The following ENAH variants were observed in gnomAD, a reference collection of about 807,000 sequenced individuals.
The protein encoded by ENAH is ENAH actin regulator, also known as protein enabled homolog.
A neutral mutation model predicts 78.7 loss-of-function variants in ENAH; 23 were observed. The ratio of observed to expected loss-of-function variants is 0.29; its 90% CI spans 0.21 to 0.41. ENAH has a LOEUF of 0.41. Ranked by LOEUF, ENAH falls within the 10% of genes least tolerant of loss-of-function variation. The pLI, the probability that ENAH is intolerant of heterozygous loss-of-function variation, is 1.00. For missense variants in ENAH, 544 were observed against 691.0 expected (o/e 0.79, Z 2.39); for synonymous variants, 226 against 241.0 (o/e 0.94, Z 0.58).
chr1:225,641,013 G>A (rs371618063), intron 1 of ENAH, among the ~76,000 whole-genome samples: 9 of 149,438 alleles, frequency 6.0e-5, no homozygotes, highest in African/African-American at 1.2e-4. Flanking sequence ...ACAGGCGCCC[G>A]CCACCACGCC....
chr1:225,535,811 C>T (rs1245631072), intron 3 of ENAH, among the ~76,000 whole-genome samples: 1 of 152,064 alleles, frequency 6.6e-6, no homozygotes, highest in Non-Finnish European at 1.5e-5. Flanking sequence ...AAATGATGCA[C>T]TTATAACTTA....
At chr1:225,576,408 T>C (rs1185037215) in intron 1 of ENAH, among the ~76,000 whole-genome samples, 2 of 152,172 alleles carry the variant, frequency 1.3e-5, no homozygotes, top group African/African-American at 2.4e-5. Flanking sequence ...AGAAATACTA[T>C]AAAAATTAAG....
chr1:225,647,931 A>G (rs2148499780), intron 1 of ENAH, among the ~76,000 whole-genome samples: 1 of 152,300 alleles, frequency 6.6e-6, no homozygotes, highest in South Asian at 2.1e-4. Flanking sequence ...AAAGAACCAC[A>G]TAATTATAAG....
At chr1:225,623,418 AC>A (rs1657355869) in intron 1 of ENAH, among the ~76,000 whole-genome samples, 1 of 152,120 alleles carries the variant, frequency 6.6e-6, no homozygotes, top group Admixed American at 6.6e-5. Flanking sequence ...TCATAATTTC[AC>A]TTGTATATTC....
At chr1:225,537,460 G>C (rs888471708) in intron 3 of ENAH, among the ~76,000 whole-genome samples, 1 of 152,130 alleles carries the variant, frequency 6.6e-6, no homozygotes, top group Non-Finnish European at 1.5e-5. Context: ...ACTGCAGTTT[G>C]CATTTCCTGA....
intron 2 of ENAH, among the ~76,000 whole-genome samples, chr1:225,558,257 G>A (rs1428560666): frequency 6.6e-6 from 1 of 152,100 alleles, no homozygotes; most frequent in Non-Finnish European, 1.5e-5. Context: ...AAAAAGATAG[G>A]CATCCTCTTT....
At chr1:225,570,979 T>C (rs1455454370) in intron 1 of ENAH, among the ~76,000 whole-genome samples, 2 of 151,980 alleles carry the variant, frequency 1.3e-5, no homozygotes, top group South Asian at 2.1e-4. Flanking sequence ...GAATATGGTA[T>C]AAAATACACA....
chr1:225,603,526 A>C (rs939186876), intron 1 of ENAH, among the ~76,000 whole-genome samples: 8 of 152,168 alleles, frequency 5.3e-5, no homozygotes, highest in African/African-American at 1.9e-4. Flanking sequence ...TCCAAAACTA[A>C]GCTCTGTTCA....
chr1:225,531,906 T>G (rs2096539549), intron 3 of ENAH, among the ~76,000 whole-genome samples: 1 of 152,070 alleles, frequency 6.6e-6, no homozygotes, highest in South Asian at 2.1e-4. Context: ...GATTAATCAC[T>G]TTATTTGTCC....
intron 3 of ENAH, among the ~76,000 whole-genome samples, chr1:225,548,927 G>A (rs2096628542): frequency 6.7e-6 from 1 of 148,460 alleles, no homozygotes; most frequent in South Asian, 2.1e-4. Flanking sequence ...TCAGCTCACT[G>A]CAACCTCCGC....
At position 225,567,229 on chromosome 1, in the gene ENAH, C is replaced by T. The variant is rs2096739443; in HGVS notation, c.171+20G>A. ...TGTAATACTAAATCATTTTTAACAA[C>T]AATTGTAGTAAAGCCTTACCTGATG... On this transcript the variant is annotated intron_variant, in intron 2 of 13. Transcript: ENST00000366843. 1 of 1,605,714 alleles carries T rather than the reference C, an allele frequency of 6.2e-7. No homozygotes were observed. Among genetic ancestry groups the T allele is most frequent in the Non-Finnish European group, 8.5e-7 (1 of 1,177,372 alleles).
chr1:225,610,002 T>C (rs553212377), intron 1 of ENAH, among the ~76,000 whole-genome samples: 2 of 152,200 alleles, frequency 1.3e-5, no homozygotes, highest in Non-Finnish European at 2.9e-5. Flanking sequence ...CATGACTATA[T>C]AAATTATTAA....
intron 1 of ENAH, among the ~76,000 whole-genome samples, chr1:225,582,232 G>C (rs2151618929): frequency 6.6e-6 from 1 of 152,220 alleles, no homozygotes; most frequent in African/African-American, 2.4e-5. Flanking sequence ...CGCCATGACT[G>C]TAAGTTTCCT....
chr1:225,514,992 T>C (rs1188610875), intron 6 of ENAH, 92 bp from the exon 7 acceptor site: 1 of 1,023,646 alleles, frequency 9.8e-7, no homozygotes, highest in East Asian at 2.4e-5. Context: ...CATGCTAAAT[T>C]AAACTGACTC....
chr1:225,525,016 G>C (rs957715448), intron 4 of ENAH, among the ~76,000 whole-genome samples: 17 of 152,042 alleles, frequency 1.1e-4, no homozygotes, highest in Non-Finnish European at 2.4e-4. Context: ...AACTTAAAAA[G>C]CCAAATTATA....
chr1:225,498,231 T>C (rs2096260599), intron 13 of ENAH, 116 bp downstream of exon 13: 1 of 786,468 alleles, frequency 1.3e-6, no homozygotes, highest in African/African-American at 1.8e-5. Context: ...AGGGCAGGAC[T>C]ATGGAAGTCA....
At chr1:225,508,884 G>A (rs936088904) in intron 10 of ENAH, among the ~76,000 whole-genome samples, 1 of 152,172 alleles carries the variant, frequency 6.6e-6, no homozygotes, top group African/African-American at 2.4e-5. Context: ...CAGCTCCTCA[G>A]CTGGCTTTTG....
At chr1:225,517,031 T>C (rs1454010745) in intron 6 of ENAH, among the ~76,000 whole-genome samples, 165 bp downstream of exon 6, 5 of 151,752 alleles carry the variant, frequency 3.3e-5, no homozygotes, top group Non-Finnish European at 5.9e-5. Flanking sequence ...GGAAAAACAT[T>C]TTTCTACTTT....
chr1:225,626,219 C>A (rs1182348025), intron 1 of ENAH, among the ~76,000 whole-genome samples: 1 of 152,250 alleles, frequency 6.6e-6, no homozygotes, highest in Non-Finnish European at 1.5e-5. Context: ...TCCAGCAACT[C>A]TCACTTTGCC....
Sources: allele counts gnomAD v4.1 joint callset (sites outside exome capture counted in the v4.1 genomes callset), GRCh38; gene constraint gnomAD v4.1.1; transcripts MANE v1.5; gene names NCBI Gene and HGNC (gene_info 2026-07-23, HGNC 2026-07-21).